NFIB: variants seen among roughly 807,000 people sequenced by gnomAD.
The protein encoded by NFIB is nuclear factor I B, also known as nuclear factor 1 B-type.
NFIB carries 11 observed loss-of-function variants against 61.5 expected under a neutral mutation model. The ratio of observed to expected loss-of-function variants is 0.18; its 90% confidence interval spans 0.11 to 0.30. The LOEUF (loss-of-function observed/expected upper bound fraction) is 0.30, where lower values mean the gene tolerates loss of function less well. NFIB is among the 10% of genes least tolerant of loss of function. The pLI is 1.00. For missense variants in NFIB, 471 were observed against 608.9 expected, an observed-to-expected ratio of 0.77 and a Z score of 2.38; for synonymous variants, 260 against 216.5, an observed-to-expected ratio of 1.20 and a Z score of -1.76.
At chr9:14,293,547 C>T (rs1249691841) in intron 2 of NFIB, among the ~76,000 whole-genome samples, 2 of 152,210 alleles carry the variant, frequency 1.3e-5, no homozygotes, top group Non-Finnish European at 2.9e-5. Context: ...AATCCTTACT[C>T]AGAAGTCCCT....
At chr9:14,465,139 A>T in the NFIB span, among the ~76,000 whole-genome samples, 1 of 152,190 alleles carries the variant, frequency 6.6e-6, no homozygotes. Context: ...ACCATGCAAG[A>T]TTTGCTCTCA....
At chr9:14,439,392 C>A in the NFIB span, among the ~76,000 whole-genome samples, 4 of 152,248 alleles carry the variant, frequency 2.6e-5, no homozygotes, top group East Asian at 7.7e-4. Flanking sequence ...GGGCTGATAG[C>A]CTTGGACAAA....
the NFIB span, among the ~76,000 whole-genome samples, chr9:14,424,543 C>T: frequency 3.9e-5 from 6 of 152,292 alleles, no homozygotes; most frequent in East Asian, 3.9e-4. Context: ...CGACATTCCT[C>T]GGACTACCCA....
At chr9:14,154,927 T>C (rs946722817) in intron 4 of NFIB, among the ~76,000 whole-genome samples, 2 of 152,190 alleles carry the variant, frequency 1.3e-5, no homozygotes, top group African/African-American at 4.8e-5. Flanking sequence ...TGGATCATCA[T>C]AATTCTTATT....
chr9:14,111,721 C>A (rs949481225), intron 10 of NFIB, among the ~76,000 whole-genome samples: 3 of 152,090 alleles, frequency 2.0e-5, no homozygotes, highest in Non-Finnish European at 4.4e-5. Context: ...CAATGGCTGG[C>A]AAAACCACTA....
chr9:14,301,576 C>G (rs1812260), intron 2 of NFIB, among the ~76,000 whole-genome samples: 131,391 of 151,896 alleles, frequency 0.87, 59,760 homozygotes, highest in East Asian at 1. Flanking sequence ...CCCTCCCTCC[C>G]TCTCTCCTTC....
At chr9:14,279,394 C>T (rs540927487) in intron 2 of NFIB, among the ~76,000 whole-genome samples, 1 of 152,210 alleles carries the variant, frequency 6.6e-6, no homozygotes, top group African/African-American at 2.4e-5. Flanking sequence ...ACTACTTTCA[C>T]ACAAACATTT....
At chr9:14,381,723 A>T (rs1054868111) in intron 1 of NFIB, among the ~76,000 whole-genome samples, 1 of 152,240 alleles carries the variant, frequency 6.6e-6, no homozygotes, top group African/African-American at 2.4e-5. Flanking sequence ...TTAAGGCAAC[A>T]TCAGGCAAGA....
intron 1 of NFIB, among the ~76,000 whole-genome samples, chr9:14,344,477 CAGTT>C (rs2132884847): frequency 6.6e-6 from 1 of 152,202 alleles, no homozygotes; most frequent in East Asian, 1.9e-4. Flanking sequence ...TTGTTCCAAG[CAGTT>C]AGTTTGCTTC....
chr9:14,483,620 C>A, the NFIB span, among the ~76,000 whole-genome samples: 1 of 152,164 alleles, frequency 6.6e-6, no homozygotes, highest in Non-Finnish European at 1.5e-5. Flanking sequence ...GAGTACCTGC[C>A]TGCCAGGGAT....
At chr9:14,241,370 C>T (rs984674913) in intron 2 of NFIB, among the ~76,000 whole-genome samples, 1 of 152,128 alleles carries the variant, frequency 6.6e-6, no homozygotes, top group African/African-American at 2.4e-5. Context: ...GTTCATAATA[C>T]ATAAGTATAA....
At chr9:14,093,825 T>C (rs2034338386) in intron 10 of NFIB, among the ~76,000 whole-genome samples, 1 of 152,030 alleles carries the variant, frequency 6.6e-6, no homozygotes, top group Non-Finnish European at 1.5e-5. Context: ...GATTACGTCT[T>C]GTGAAAAAAA....
chr9:14,352,407 A>G (rs1320049540), intron 1 of NFIB, among the ~76,000 whole-genome samples: 2 of 151,876 alleles, frequency 1.3e-5, no homozygotes, highest in South Asian at 2.1e-4. Flanking sequence ...ATTAGCTAAG[A>G]TGAACGTGGA....
intron 2 of NFIB, among the ~76,000 whole-genome samples, chr9:14,302,789 C>G (rs2067985983): frequency 6.6e-6 from 1 of 151,712 alleles, no homozygotes; most frequent in African/African-American, 2.4e-5. Flanking sequence ...CCCCTTCAGA[C>G]AGGACACAGT....
intron 2 of NFIB, among the ~76,000 whole-genome samples, chr9:14,265,506 A>C (rs1317355409): frequency 6.6e-6 from 1 of 152,186 alleles, no homozygotes; most frequent in Non-Finnish European, 1.5e-5. Flanking sequence ...CCAAGAGAAG[A>C]AGCTTCAGAA....
chr9:14,189,881 C>T (rs1485222772), intron 2 of NFIB, among the ~76,000 whole-genome samples: 1 of 151,630 alleles, frequency 6.6e-6, no homozygotes, highest in Non-Finnish European at 1.5e-5. Context: ...AAACAAACTG[C>T]CAGTAATACC....
chr9:14,429,487 G>C, the NFIB span, among the ~76,000 whole-genome samples: 9 of 152,292 alleles, frequency 5.9e-5, no homozygotes, highest in Admixed American at 5.9e-4. Context: ...CAGATCTTCA[G>C]CTTTTAAGGG....
chr9:14,328,562 T>G (rs2060782836), intron 1 of NFIB, among the ~76,000 whole-genome samples: 1 of 152,174 alleles, frequency 6.6e-6, no homozygotes, highest in South Asian at 2.1e-4. Context: ...AAAAAAGATA[T>G]CCACCCACAG....
the NFIB span, among the ~76,000 whole-genome samples, chr9:14,499,034 G>C: frequency 1.3e-5 from 2 of 151,882 alleles, no homozygotes; most frequent in East Asian, 1.9e-4. Context: ...GCACGTGTGT[G>C]TGTGCACGTG....
Sources: allele counts gnomAD v4.1 joint callset (sites outside exome capture counted in the v4.1 genomes callset), GRCh38; gene constraint gnomAD v4.1.1; transcripts MANE v1.5; gene names NCBI Gene and HGNC (gene_info 2026-07-23, HGNC 2026-07-21).